SYNPR: variants seen among roughly 807,000 people sequenced by gnomAD.
The protein encoded by SYNPR is synaptoporin.
In SYNPR, 23 loss-of-function variants were observed where a neutral mutation model predicts 32.9. That is an observed-to-expected ratio of 0.70 (90% CI 0.50 to 0.99). The LOEUF is 0.99. Ranked by LOEUF, SYNPR falls within the 50% of genes least tolerant of loss-of-function variation. The probability of loss-of-function intolerance (pLI) is 0.00; values close to 1 mark genes in which losing one functional copy is unlikely to be tolerated. For missense variants in SYNPR, 318 were observed against 349.3 expected (o/e 0.91, Z 0.71); for synonymous variants, 146 against 135.9 (o/e 1.07, Z -0.52).
intron 2 of SYNPR, among the ~76,000 whole-genome samples, chr3:63,395,647 C>T (rs561712837): frequency 2.6e-5 from 4 of 152,310 alleles, no homozygotes; most frequent in Middle Eastern, 3.4e-3. Flanking sequence ...CTTCCCATTA[C>T]ATGTGAGGTA....
intron 2 of SYNPR, among the ~76,000 whole-genome samples, chr3:63,266,124 A>G (rs1447735584): frequency 6.6e-6 from 1 of 152,258 alleles, no homozygotes; most frequent in African/African-American, 2.4e-5. Context: ...CAAGTGAACA[A>G]AATAATACTC....
intron 3 of SYNPR, among the ~76,000 whole-genome samples, chr3:63,501,818 G>C (rs1431435089): frequency 6.6e-6 from 1 of 152,082 alleles, no homozygotes; most frequent in Non-Finnish European, 1.5e-5. Flanking sequence ...ATACCTAAAA[G>C]ATACTACATG....
At chr3:63,490,844 C>G (rs1447457039) in intron 3 of SYNPR, among the ~76,000 whole-genome samples, 1 of 152,018 alleles carries the variant, frequency 6.6e-6, no homozygotes, top group East Asian at 1.9e-4. Context: ...CTCACTGCAA[C>G]CTCTGCCTCC....
At chr3:63,372,852 G>A (rs981908587) in intron 2 of SYNPR, among the ~76,000 whole-genome samples, 14 of 152,194 alleles carry the variant, frequency 9.2e-5, no homozygotes, top group African/African-American at 3.4e-4. Context: ...TCAGAGCACT[G>A]AGAAAGAGTA....
chr3:63,555,421 A>C (rs957163090), intron 3 of SYNPR, among the ~76,000 whole-genome samples: 1 of 151,970 alleles, frequency 6.6e-6, no homozygotes, highest in African/African-American at 2.4e-5. Context: ...TGCCTCCCTA[A>C]TTATCATTTC....
chr3:63,572,596 G>C (rs1180497809), intron 4 of SYNPR, among the ~76,000 whole-genome samples: 1 of 152,004 alleles, frequency 6.6e-6, no homozygotes, highest in African/African-American at 2.4e-5. Context: ...CATCACTCTT[G>C]TTTAGAAGTA....
intron 2 of SYNPR, among the ~76,000 whole-genome samples, chr3:63,371,130 G>T (rs2087807157): frequency 6.6e-6 from 1 of 151,984 alleles, no homozygotes; most frequent in African/African-American, 2.4e-5. Context: ...GCCAGAGGAG[G>T]CCCCCATACC....
chr3:63,208,086 C>G, the SYNPR span, among the ~76,000 whole-genome samples: 3 of 151,754 alleles, frequency 2.0e-5, no homozygotes, highest in Non-Finnish European at 4.4e-5. Flanking sequence ...CAATAACTTC[C>G]AGAATATACT....
intron 2 of SYNPR, among the ~76,000 whole-genome samples, chr3:63,284,391 T>G (rs930092289): frequency 6.6e-6 from 1 of 152,180 alleles, no homozygotes; most frequent in Non-Finnish European, 1.5e-5. Context: ...GCTGCAGCCC[T>G]AGATTCTGTG....
chr3:63,437,585 G>C (rs1263501510), intron 2 of SYNPR, among the ~76,000 whole-genome samples: 1 of 145,744 alleles, frequency 6.9e-6, no homozygotes, highest in Non-Finnish European at 1.5e-5. Flanking sequence ...AAGAGTGAGA[G>C]AGAGAGAGAA....
the SYNPR span, among the ~76,000 whole-genome samples, chr3:63,209,357 G>T: frequency 6.6e-6 from 1 of 150,982 alleles, no homozygotes; most frequent in Non-Finnish European, 1.5e-5. Flanking sequence ...TAAACAGTGA[G>T]TGAAAGAATT....
intron 2 of SYNPR, among the ~76,000 whole-genome samples, chr3:63,361,680 T>C (rs976234629): frequency 7.9e-5 from 12 of 151,784 alleles, no homozygotes; most frequent in African/African-American, 2.4e-4. Flanking sequence ...CATAAGATTA[T>C]TGTGAGGGTG....
intron 1 of SYNPR, among the ~76,000 whole-genome samples, chr3:63,229,115 T>C (rs2086149949): frequency 6.6e-6 from 1 of 152,226 alleles, no homozygotes; most frequent in Admixed American, 6.5e-5. Flanking sequence ...ATTTAAATCC[T>C]GATATGACCA....
intron 4 of SYNPR, among the ~76,000 whole-genome samples, chr3:63,597,391 A>G (rs143565834): frequency 1.0e-3 from 159 of 152,336 alleles, no homozygotes; most frequent in African/African-American, 3.7e-3. Context: ...ACATAGGTAT[A>G]CCATTGCTTA....
intron 3 of SYNPR, among the ~76,000 whole-genome samples, chr3:63,490,140 G>A (rs886506689): frequency 3.3e-5 from 5 of 152,158 alleles, no homozygotes; most frequent in Admixed American, 2.0e-4. Context: ...ATTAGGAGAG[G>A]GAGAGCCTCA....
chr3:63,264,475 G>C (rs1009744339), intron 2 of SYNPR, among the ~76,000 whole-genome samples: 1 of 152,140 alleles, frequency 6.6e-6, no homozygotes, highest in African/African-American at 2.4e-5. Context: ...GAGAGAAAGT[G>C]CTCTATATGA....
chr3:63,489,662 C>T (rs1701221150), intron 3 of SYNPR, among the ~76,000 whole-genome samples: 1 of 151,986 alleles, frequency 6.6e-6, no homozygotes, highest in Non-Finnish European at 1.5e-5. Context: ...ACAAAATTTA[C>T]AATTAGTTGG....
intron 3 of SYNPR, among the ~76,000 whole-genome samples, chr3:63,522,604 A>C (rs755176712): frequency 3.3e-5 from 5 of 152,174 alleles, no homozygotes; most frequent in Admixed American, 6.5e-5. Context: ...GACTTCAGTT[A>C]TTTTTGTTTA....
chr3:63,603,943 A>G (rs1385350598), intron 4 of SYNPR, among the ~76,000 whole-genome samples: 1 of 152,106 alleles, frequency 6.6e-6, no homozygotes, highest in Non-Finnish European at 1.5e-5. Context: ...TTCTTTATAC[A>G]TCTGGTAGAG....
Sources: gnomAD v4.1 joint callset for allele counts (sites outside exome capture counted in the v4.1 genomes callset) on GRCh38, gnomAD v4.1.1 for gene constraint, MANE v1.5 for transcripts, NCBI Gene and HGNC (gene_info 2026-07-23, HGNC 2026-07-21) for gene names.